QTGAL: variants seen among roughly 807,000 people sequenced by gnomAD.
QTGAL encodes queuosine-tRNA galactosyltransferase.
the QTGAL span, chr17:82,946,822 G>T: frequency 2.2e-6 from 3 of 1,351,442 alleles, no homozygotes; most frequent in Non-Finnish European, 3.1e-6. Context: ...AGAATGAAAA[G>T]GAAATGAAAC....
chr17:82,958,291 C>T, the QTGAL span, among the ~76,000 whole-genome samples: 25 of 152,200 alleles, frequency 1.6e-4, no homozygotes, highest in African/African-American at 4.3e-4. Flanking sequence ...CCAATGGCCG[C>T]GATGTAGCCA....
the QTGAL span, among the ~76,000 whole-genome samples, chr17:83,043,966 C>T: frequency 1.5e-5 from 2 of 133,546 alleles, no homozygotes; most frequent in South Asian, 2.2e-4. Context: ...CTCAACACAC[C>T]TATAACAAAT....
chr17:83,048,841 TG>T, the QTGAL span: 1 of 1,478,798 alleles, frequency 6.8e-7, no homozygotes, highest in South Asian at 1.1e-5. Flanking sequence ...TCCCTTTCCA[TG>T]GCTCTAATTT....
the QTGAL span, among the ~76,000 whole-genome samples, chr17:82,973,350 A>G: frequency 6.6e-6 from 1 of 152,236 alleles, no homozygotes; most frequent in South Asian, 2.1e-4. Context: ...AGAGCGAGGT[A>G]AAATCACTGA....
the QTGAL span, among the ~76,000 whole-genome samples, chr17:83,009,944 A>AG: frequency 0.26 from 19,065 of 74,108 alleles, 1,576 homozygotes; most frequent in Admixed American, 0.32. Context: ...GCTGTGGGGG[A>AG]GGGGGGCTGT....
the QTGAL span, among the ~76,000 whole-genome samples, chr17:83,044,803 G>C: frequency 6.6e-6 from 1 of 152,210 alleles, no homozygotes; most frequent in Non-Finnish European, 1.5e-5. Context: ...AAAATTAGCT[G>C]GTTGTGGTGG....
At chr17:82,997,231 A>C in the QTGAL span, among the ~76,000 whole-genome samples, 1 of 152,260 alleles carries the variant, frequency 6.6e-6, no homozygotes, top group East Asian at 1.9e-4. Context: ...ATGTGGGCAA[A>C]AGATCTGAAC....
At chr17:83,010,724 C>T in the QTGAL span, among the ~76,000 whole-genome samples, 1 of 152,224 alleles carries the variant, frequency 6.6e-6, no homozygotes, top group African/African-American at 2.4e-5. Flanking sequence ...GAAGTGGAAG[C>T]AGGGAGAGTC....
At chr17:82,998,933 C>T in the QTGAL span, among the ~76,000 whole-genome samples, 3 of 149,044 alleles carry the variant, frequency 2.0e-5, no homozygotes, top group African/African-American at 7.5e-5. Flanking sequence ...CCACGAGATA[C>T]CACTACATAC....
chr17:82,982,539 G>A, the QTGAL span, among the ~76,000 whole-genome samples: 1 of 151,486 alleles, frequency 6.6e-6, no homozygotes, highest in Non-Finnish European at 1.5e-5. Flanking sequence ...CTCACAGAGA[G>A]CCTTGTCCCT....
the QTGAL span, chr17:82,960,221 C>G: frequency 3.3e-5 from 5 of 152,370 alleles, no homozygotes; most frequent in African/African-American, 1.2e-4. Context: ...ACCCCGTGAC[C>G]TTGGACCTTA....
At chr17:83,008,995 A>C in the QTGAL span, among the ~76,000 whole-genome samples, 1 of 152,104 alleles carries the variant, frequency 6.6e-6, no homozygotes, top group African/African-American at 2.4e-5. Flanking sequence ...AACCCATCAC[A>C]CAGAAGGAAA....
At chr17:82,981,519 T>A in the QTGAL span, 18 of 152,404 alleles carry the variant, frequency 1.2e-4, 1 homozygote, top group Non-Finnish European at 1.9e-4. Context: ...TCACCCATTA[T>A]CTTCATGCTC....
the QTGAL span, among the ~76,000 whole-genome samples, chr17:82,967,462 C>G: frequency 1.7e-4 from 26 of 152,184 alleles, no homozygotes; most frequent in African/African-American, 5.8e-4. Context: ...TAAGACAAGT[C>G]CTCATCAGCA....
At chr17:82,973,094 TG>T in the QTGAL span, among the ~76,000 whole-genome samples, 2 of 152,180 alleles carry the variant, frequency 1.3e-5, no homozygotes, top group Non-Finnish European at 2.9e-5. Context: ...TGCACAGCCT[TG>T]GGGCCACCGC....
the QTGAL span, chr17:82,947,077 G>T: frequency 1.9e-6 from 2 of 1,033,446 alleles, no homozygotes; most frequent in South Asian, 2.9e-5. Flanking sequence ...GGGGTGGCCT[G>T]TGTCCACCTG....
chr17:83,013,136 C>T, the QTGAL span, among the ~76,000 whole-genome samples: 1 of 152,168 alleles, frequency 6.6e-6, no homozygotes, highest in African/African-American at 2.4e-5. Context: ...GAATCTGCTA[C>T]AAGCCACAGA....
At chr17:82,957,514 G>A in the QTGAL span, 1 of 1,588,878 alleles carries the variant, frequency 6.3e-7, no homozygotes, top group Non-Finnish European at 8.6e-7. Context: ...AGAAGAGGGT[G>A]ATAGGCAGGC....
the QTGAL span, among the ~76,000 whole-genome samples, chr17:82,969,831 C>A: frequency 1.3e-5 from 2 of 152,080 alleles, no homozygotes; most frequent in Non-Finnish European, 1.5e-5. Flanking sequence ...AGGTGTGGAC[C>A]AGCACACCTT....
Sources: gnomAD v4.1 joint callset for allele counts (sites outside exome capture counted in the v4.1 genomes callset) on GRCh38, gnomAD v4.1.1 for gene constraint, MANE v1.5 for transcripts, NCBI Gene and HGNC (gene_info 2026-07-23, HGNC 2026-07-21) for gene names.